The following SCUBE1 variants were observed in gnomAD, a reference collection of about 807,000 sequenced individuals.
The protein encoded by SCUBE1 is signal peptide, CUB and EGF-like domain-containing protein 1.
A neutral mutation model predicts 124.4 loss-of-function variants in SCUBE1; 59 were observed. The observed-to-expected ratio is 0.47, with a 90% confidence interval of 0.38 to 0.59. SCUBE1 has a LOEUF of 0.59. Among genes scored for constraint, SCUBE1 ranks in the 20% least tolerant of loss-of-function variants. The pLI, the probability that SCUBE1 is intolerant of heterozygous loss-of-function variation, is 0.00. For synonymous variants in SCUBE1, 545 were observed against 550.9 expected, an observed-to-expected ratio of 0.99 and a Z score of 0.15; for missense variants, 1,150 against 1,371.2, an observed-to-expected ratio of 0.84 and a Z score of 2.55.
intron 3 of SCUBE1, among the ~76,000 whole-genome samples, chr22:43,298,909 G>C (rs376825141): frequency 2.0e-5 from 3 of 152,076 alleles, no homozygotes; most frequent in Non-Finnish European, 2.9e-5. Flanking sequence ...AAAATTAGCC[G>C]GGCATGGTGG....
chr22:43,327,920 C>T (rs755328382), intron 2 of SCUBE1, among the ~76,000 whole-genome samples: 5 of 152,172 alleles, frequency 3.3e-5, no homozygotes, highest in African/African-American at 4.8e-5. Context: ...AATTATATCG[C>T]GATAAAGCTG....
At chr22:43,230,257 C>A (rs1922497773) in intron 8 of SCUBE1, among the ~76,000 whole-genome samples, 1 of 152,054 alleles carries the variant, frequency 6.6e-6, no homozygotes, top group Non-Finnish European at 1.5e-5. Context: ...TGGGCCCAGC[C>A]CCATCTGAAC....
chr22:43,303,676 G>C (rs1385821748), intron 3 of SCUBE1, among the ~76,000 whole-genome samples: 2 of 152,190 alleles, frequency 1.3e-5, no homozygotes, highest in Non-Finnish European at 2.9e-5. Context: ...TCTGTCTGTA[G>C]TTCTCCTCCT....
intron 6 of SCUBE1, among the ~76,000 whole-genome samples, chr22:43,250,089 G>A (rs930585606): frequency 6.6e-6 from 1 of 152,232 alleles, no homozygotes. Flanking sequence ...ACGCTATCAC[G>A]ATCACCATTT....
chr22:43,216,146 AAGTG>A (rs1921800371), intron 15 of SCUBE1, among the ~76,000 whole-genome samples: 2 of 151,998 alleles, frequency 1.3e-5, no homozygotes, highest in East Asian at 4.0e-4. Context: ...TCCCAGGTTC[AAGTG>A]ACTCTCCTGT....
rs1177233038 is a variant in SCUBE1, at chr22:43,210,575, C to G, written c.2384-335G>C. Among the ~76,000 whole-genome samples the G allele has an allele frequency of 6.6e-6, 1 of 152,206 alleles. No homozygotes were observed. Among genetic ancestry groups the G allele is most frequent in the Non-Finnish European group, 1.5e-5 (1 of 68,022 alleles). On this transcript the variant is annotated intron_variant, in intron 18 of 21. Coordinates refer to ENST00000360835, the MANE Select transcript of SCUBE1 (RefSeq NM_173050.5). This position sits in a 1 kb window ranked among gnomAD's most constrained non-coding sequence, Gnocchi z 4.5. ...GAGAGGGCCTGGAGCCCTGCTCTCT[C>G]TAGAGGCCCTGTCAGTGCCCCTGTA...
At chr22:43,335,471 GTCC>G (rs1204100689) in intron 2 of SCUBE1, among the ~76,000 whole-genome samples, 5 of 152,138 alleles carry the variant, frequency 3.3e-5, no homozygotes, top group Admixed American at 6.5e-5. Context: ...ACCAAACGAT[GTCC>G]TCCTTTTGGT....
rs143332213 is a variant in SCUBE1 at position 43,245,040 on chromosome 22, C to G, written c.728-6086G>C. The stretch of plus-strand genomic sequence containing the variant: ...ATCTTCCCACAGCTGGCTGCTGAAC[C>G]CTCCATGGCTCCCATCGCTTTGGGA... On this transcript the variant is annotated intron_variant, in intron 6 of 21. Transcript: ENST00000360835. Among the ~76,000 whole-genome samples the G allele has an allele frequency of 7.1e-3, 1,076 of 152,380 alleles. 5 individuals are homozygous for G. The highest frequency in any genetic ancestry group is 0.011 in the Non-Finnish European group (755 of 68,030).
chr22:43,291,496 G>GTGGA, intron 3 of SCUBE1, among the ~76,000 whole-genome samples: 1 of 73,834 alleles, frequency 1.4e-5, no homozygotes, highest in Non-Finnish European at 3.7e-5. Context: ...GGTACAGTGG[G>GTGGA]TCTCCATTTT....
intron 6 of SCUBE1, among the ~76,000 whole-genome samples, chr22:43,242,080 C>T (rs1923027945): frequency 6.6e-6 from 1 of 152,180 alleles, no homozygotes; most frequent in African/African-American, 2.4e-5. Context: ...AAATGCAAGA[C>T]GGGTAGAGGG....
chr22:43,210,939 T>C lies in SCUBE1; in HGVS notation c.2366A>G (p.Asn789Ser), dbSNP rs753926942. 3.1e-6 allele frequency: 5 copies of C among 1,612,878 alleles called. No homozygotes were observed. Among genetic ancestry groups the C allele is most frequent in the East Asian group, 4.5e-5 (2 of 44,784 alleles). Reference protein sequence around the residue: ...NTSTDFDGSTNVTHCKNQHCG... With the variant: ...NTSTDFDGSTSVTHCKNQHCG... ...GCACCCACTTTTGCAGTGTGTGACG[T>C]TGGTGGAGCCATCGAAGTCTGTGCT... Residue 789 changes from asparagine to serine, a missense_variant, in exon 18 of 22, where the codon AAC becomes AGC. Coordinates refer to ENST00000360835, the MANE Select transcript of SCUBE1 (RefSeq NM_173050.5). The surrounding 1 kb of genome is among the most constrained non-coding windows in gnomAD (Gnocchi z 4.5).
chr22:43,262,720 G>A lies in SCUBE1; in HGVS notation c.610C>T (p.Leu204=), dbSNP rs200795472. ...DLAQNQKDCT[L]TCNYGNGGCQ... ...GACCCATTTGTCTCCCTCTACCTACGTGTGCAGTCCTTCTGGTTTTGGGCA... is the reference window on the plus strand; with the variant it reads ...GACCCATTTGTCTCCCTCTACCTACATGTGCAGTCCTTCTGGTTTTGGGCA... Residue 204 remains leucine, a splice_region_variant and synonymous_variant, in exon 5 of 22, where the codon CTA becomes TTA. Transcript: ENST00000360835. 1.6e-5 allele frequency: 26 copies of A among 1,614,032 alleles called. No homozygotes were observed. The East Asian group carries it at 3.6e-4, about 22-fold the overall frequency.
chr22:43,302,698 T>A (rs771306778), intron 3 of SCUBE1, among the ~76,000 whole-genome samples: 15 of 152,348 alleles, frequency 9.8e-5, no homozygotes, highest in South Asian at 4.1e-4. Context: ...CAGCTGTGAA[T>A]GTGATCCTGG....
intron 3 of SCUBE1, among the ~76,000 whole-genome samples, chr22:43,309,794 C>T (rs1423019258): frequency 1.3e-5 from 2 of 152,086 alleles, no homozygotes; most frequent in Non-Finnish European, 2.9e-5. Context: ...ACCCAATCAT[C>T]AGTTTTGACT....
chr22:43,268,894 C>G (rs1250449343), intron 4 of SCUBE1, among the ~76,000 whole-genome samples: 21 of 152,174 alleles, frequency 1.4e-4, no homozygotes, highest in Admixed American at 1.3e-3. Context: ...CAGGCCAGGA[C>G]AGTGGAGAGG....
chr22:43,214,004 G>A, intron 16 of SCUBE1, 86 bp downstream of exon 16: 5 of 1,289,452 alleles, frequency 3.9e-6, no homozygotes, highest in Non-Finnish European at 5.2e-6. Context: ...CAGGCACCTG[G>A]GCCTTCGACA....
chr22:43,237,298 C>A lies in SCUBE1; in HGVS notation c.844+1540G>T, dbSNP rs979725617. 2.6e-5 allele frequency among the ~76,000 whole-genome samples: 4 copies of A among 152,374 alleles called. No homozygotes were observed. The East Asian group carries it at 7.7e-4, about 29-fold the overall frequency. On this transcript the variant is annotated intron_variant, in intron 7 of 21. Transcript: ENST00000360835. ...CACATGCCTGCCCTGCACCAGGCCCCTTTCTGGCCCAGACAGGGTGGCTCC... is the reference window on the plus strand; with the variant it reads ...CACATGCCTGCCCTGCACCAGGCCCATTTCTGGCCCAGACAGGGTGGCTCC...
Position 43,238,926 on chromosome 22 carries a change from G to A in SCUBE1, c.756C>T (p.Cys252=), listed in dbSNP as rs754404935. 3.1e-6 allele frequency: 5 copies of A among 1,612,856 alleles called. No homozygotes were observed. The highest frequency in any genetic ancestry group is 1.7e-5 in the Admixed American group (1 of 59,998). Residue 252 remains cysteine (C), a synonymous_variant, in exon 7 of 22, where the codon TGC becomes TGT. Coordinates refer to ENST00000360835, the MANE Select transcript of SCUBE1 (RefSeq NM_173050.5). ...IETCAVNNGG[C]DRTCKDTATG... ...TGGCTGTGTCCTTGCATGTCCGGTC[G>A]CAGCCTCCGTTATTGACTGCGCACG...
rs143741929 is a variant in SCUBE1, at chr22:43,326,108, A to G, written c.221-6043T>C. The stretch of plus-strand genomic sequence containing the variant: ...TCCTCAAAATCGGGACTGACTAGAA[A>G]CATTCTCAAAATTAAGTATTTTTAA... On this transcript the variant is annotated intron_variant, in intron 2 of 21. Transcript: ENST00000360835. Among the ~76,000 whole-genome samples the G allele has an allele frequency of 3.5e-3, 537 of 152,218 alleles. 3 individuals carry two copies. The highest frequency in any genetic ancestry group is 0.012 in the African/African-American group (514 of 41,526).
Sources: gnomAD v4.1 joint callset for allele counts (sites outside exome capture counted in the v4.1 genomes callset) on GRCh38, gnomAD v4.1.1 for gene constraint, Gnocchi (gnomAD v3.1) non-coding constraint, MANE v1.5 for transcripts, NCBI Gene and HGNC (gene_info 2026-07-23, HGNC 2026-07-21) for gene names.